The following CAST variants were observed in gnomAD, a reference collection of about 807,000 sequenced individuals.
CAST encodes the protein calpastatin, also known as MIR583 host.
Under a neutral mutation model 119.6 loss-of-function variants are expected in CAST, and 76 were observed. That is an observed-to-expected ratio of 0.64 (90% CI 0.53 to 0.77). CAST has a LOEUF of 0.77. Ranked by LOEUF, CAST falls within the 30% of genes least tolerant of loss-of-function variation. CAST has a pLI of 0.00. For synonymous variants in CAST, 319 were observed against 331.6 expected, an observed-to-expected ratio of 0.96 and a Z score of 0.41; for missense variants, 953 against 946.5, an observed-to-expected ratio of 1.01 and a Z score of -0.09.
chr5:96,660,467 T>C (rs755544546), upstream of CAST, among the ~76,000 whole-genome samples: 1 of 152,222 alleles, frequency 6.6e-6, no homozygotes, highest in Non-Finnish European at 1.5e-5. Context: ...TTTCACAATG[T>C]TTTACATAGA....
chr5:96,199,669 T>A, the CAST span, among the ~76,000 whole-genome samples: 1 of 152,170 alleles, frequency 6.6e-6, no homozygotes, highest in Non-Finnish European at 1.5e-5. Flanking sequence ...TGACTTTGAA[T>A]ATTCAGAGTT....
the CAST span, among the ~76,000 whole-genome samples, chr5:96,133,318 T>C: frequency 6.6e-6 from 1 of 150,606 alleles, no homozygotes; most frequent in African/African-American, 2.4e-5. Flanking sequence ...CACACACACA[T>C]GAGTTTTCCT....
At chr5:96,479,076 G>A in the CAST span, among the ~76,000 whole-genome samples, 3 of 152,194 alleles carry the variant, frequency 2.0e-5, no homozygotes, top group African/African-American at 7.2e-5. Flanking sequence ...TAAAGTAGGA[G>A]AGCAGCTGGC....
At chr5:96,458,158 T>C in the CAST span, among the ~76,000 whole-genome samples, 1 of 152,064 alleles carries the variant, frequency 6.6e-6, no homozygotes, top group African/African-American at 2.4e-5. Context: ...TTTAAAATAG[T>C]TGAAAAAAAA....
chr5:96,672,243 C>G (rs769695295), intron 1 of CAST, among the ~76,000 whole-genome samples: 1 of 152,116 alleles, frequency 6.6e-6, no homozygotes, highest in Non-Finnish European at 1.5e-5. Flanking sequence ...CTCTCTCTCT[C>G]TCTCTTTCTG....
At chr5:96,325,378 C>CTTCTTTCTTTCT in the CAST span, among the ~76,000 whole-genome samples, 2 of 149,958 alleles carry the variant, frequency 1.3e-5, no homozygotes, top group African/African-American at 2.5e-5. Context: ...TCTTTTCTTT[C>CTTCTTTCTTTCT]TTCTTTCTTT....
intron 1 of CAST, among the ~76,000 whole-genome samples, chr5:96,540,762 C>T (rs1234261113): frequency 6.6e-6 from 1 of 152,130 alleles, no homozygotes; most frequent in Non-Finnish European, 1.5e-5. Context: ...TTTCTGATGA[C>T]CTTGACAGTT....
chr5:96,360,660 G>A, the CAST span, among the ~76,000 whole-genome samples: 1 of 152,212 alleles, frequency 6.6e-6, no homozygotes, highest in Non-Finnish European at 1.5e-5. Context: ...CACCAGCAGA[G>A]GCTGGAGAAC....
the CAST span, among the ~76,000 whole-genome samples, chr5:96,039,760 G>A: frequency 1.3e-5 from 2 of 152,166 alleles, no homozygotes; most frequent in South Asian, 2.1e-4. Context: ...GTATCATGCT[G>A]TTTTGGTTAC....
chr5:96,729,344 TC>T, intron 7 of CAST, 135 bp downstream of exon 7: 2 of 631,786 alleles, frequency 3.2e-6, no homozygotes. Context: ...AATGGTGCCA[TC>T]CTGTGGCAAT....
intron 1 of CAST, 86 bp downstream of exon 1, chr5:96,662,583 AG>A (rs1435445463): frequency 7.7e-7 from 1 of 1,298,120 alleles, no homozygotes; most frequent in Non-Finnish European, 9.7e-7. Flanking sequence ...GGGCGTTGCC[AG>A]GCTGGCGGGT....
chr5:96,603,945 T>C (rs1429266063), intron 1 of CAST, among the ~76,000 whole-genome samples: 1 of 151,932 alleles, frequency 6.6e-6, no homozygotes, highest in Non-Finnish European at 1.5e-5. Context: ...ATTTAGTTTT[T>C]GTAGAAACGT....
chr5:96,664,764 C>T (rs1377268096), intron 1 of CAST, among the ~76,000 whole-genome samples: 1 of 152,130 alleles, frequency 6.6e-6, no homozygotes, highest in Non-Finnish European at 1.5e-5. Context: ...TTCCAATTTC[C>T]CTTGAGATAC....
At chr5:95,992,396 C>CT in the CAST span, among the ~76,000 whole-genome samples, 1 of 151,258 alleles carries the variant, frequency 6.6e-6, no homozygotes, top group Non-Finnish European at 1.5e-5. Context: ...GAGAGGGGTA[C>CT]TTCTCTATGC....
intron 1 of CAST, among the ~76,000 whole-genome samples, chr5:96,641,103 T>C (rs1407107698): frequency 6.6e-6 from 1 of 152,226 alleles, no homozygotes; most frequent in Non-Finnish European, 1.5e-5. Context: ...TTTACAATGA[T>C]GTTTGCCTTT....
intron 2 of CAST, among the ~76,000 whole-genome samples, chr5:96,690,911 A>T (rs371187698): frequency 6.6e-6 from 1 of 152,370 alleles, no homozygotes; most frequent in South Asian, 2.1e-4. Flanking sequence ...ATATGTCAAA[A>T]CTTACATATT....
the CAST span, among the ~76,000 whole-genome samples, chr5:96,201,083 G>C: frequency 6.6e-6 from 1 of 151,760 alleles, no homozygotes; most frequent in Non-Finnish European, 1.5e-5. Flanking sequence ...AATAAATGTT[G>C]GTGAATTAGT....
chr5:96,232,810 T>C, the CAST span, among the ~76,000 whole-genome samples: 1 of 152,084 alleles, frequency 6.6e-6, no homozygotes, highest in African/African-American at 2.4e-5. Flanking sequence ...GAGCATACTA[T>C]GTTCATGGAT....
intron 16 of CAST, among the ~76,000 whole-genome samples, chr5:96,745,589 A>T (rs1243876068): frequency 6.6e-6 from 1 of 152,304 alleles, no homozygotes; most frequent in Admixed American, 6.5e-5. Context: ...ACACCTTTAT[A>T]TAGGTACAAA....
Sources: gnomAD v4.1 joint callset for allele counts (sites outside exome capture counted in the v4.1 genomes callset) on GRCh38, gnomAD v4.1.1 for gene constraint, MANE v1.5 for transcripts, NCBI Gene and HGNC (gene_info 2026-07-23, HGNC 2026-07-21) for gene names.